The following ARHGAP22 variants were observed in gnomAD, a reference collection of about 807,000 sequenced individuals.
The protein encoded by ARHGAP22 is rho GTPase-activating protein 22.
ARHGAP22 carries 48 observed loss-of-function variants against 59.1 expected under a neutral mutation model. The observed-to-expected ratio is 0.81, with a 90% CI of 0.64 to 1.03. The LOEUF (loss-of-function observed/expected upper bound fraction) is 1.03, where lower values mean the gene tolerates loss of function less well. Ranked by LOEUF, ARHGAP22 falls within the 50% of genes least tolerant of loss-of-function variation. The pLI is 0.00. For missense variants in ARHGAP22, 1,015 were observed against 958.7 expected, an observed-to-expected ratio of 1.06 and a Z score of -0.78; for synonymous variants, 445 against 416.4, an observed-to-expected ratio of 1.07 and a Z score of -0.84.
upstream of ARHGAP22, among the ~76,000 whole-genome samples, chr10:48,609,204 A>G (rs1241108510): frequency 6.6e-6 from 1 of 151,910 alleles, no homozygotes; most frequent in Non-Finnish European, 1.5e-5. Flanking sequence ...GTCACTGTAG[A>G]CTCCCTGTTC....
rs779543837 is a variant in ARHGAP22, at chr10:48,459,901, G to C, written c.452-10C>G. On this transcript the variant is annotated splice_polypyrimidine_tract_variant and intron_variant, in intron 4 of 9. Coordinates refer to ENST00000249601, the MANE Select transcript of ARHGAP22 (RefSeq NM_021226.4). ...CGCTGCCCAAAGATCCCTGAGCACAGAGAGGAGCTAGTCACACCCTCCACC... is the reference window on the plus strand; with the variant it reads ...CGCTGCCCAAAGATCCCTGAGCACACAGAGGAGCTAGTCACACCCTCCACC... 1.2e-6 allele frequency: 2 copies of C among 1,610,296 alleles called. No individual in the cohort carries two copies. The highest frequency in any genetic ancestry group is 8.5e-7 in the Non-Finnish European group (1 of 1,178,996).
chr10:48,609,212 T>G (rs924226317), upstream of ARHGAP22, among the ~76,000 whole-genome samples: 1 of 152,222 alleles, frequency 6.6e-6, no homozygotes, highest in African/African-American at 2.4e-5. Flanking sequence ...AGACTCCCTG[T>G]TCTAGGCAGA....
intron 3 of ARHGAP22, among the ~76,000 whole-genome samples, chr10:48,486,312 T>C (rs1201173493): frequency 6.6e-6 from 1 of 151,740 alleles, no homozygotes; most frequent in African/African-American, 2.4e-5. Context: ...TAATATATTG[T>C]TGCTATTTTT....
In ARHGAP22 at chr10:48,583,284, G is replaced by A. The variant is rs2059228261; in HGVS notation, c.35-132C>T. The A allele has an allele frequency of 1.3e-5, 14 of 1,044,782 alleles. No homozygotes were observed. The South Asian group carries it at 1.9e-4, about 14-fold the overall frequency. The allele number at this position is 1,044,782 out of a possible 1,614,324, so 64.7% of individuals were successfully genotyped here. A position where few individuals can be genotyped will look rare whatever the true frequency, so the allele number is the denominator to read the frequency against. ...AGGCCAGCAGGATGTGAGCAGCTGG[G>A]CCTACTTCCCCTTGGCATTGAAGGG... On this transcript the variant is annotated intron_variant, in intron 1 of 9. Transcript: ENST00000249601.
chr10:48,472,605 T>C (rs894938691), intron 4 of ARHGAP22, among the ~76,000 whole-genome samples: 1 of 152,178 alleles, frequency 6.6e-6, no homozygotes, highest in African/African-American at 2.4e-5. Context: ...AGCCTCTACC[T>C]TCTGGCCACT....
At chr10:48,515,743 G>T (rs1314242689) in intron 3 of ARHGAP22, among the ~76,000 whole-genome samples, 1 of 152,128 alleles carries the variant, frequency 6.6e-6, no homozygotes, top group Non-Finnish European at 1.5e-5. Context: ...TGACTACCAA[G>T]GAATGAAATT....
chr10:48,613,350 A>G (rs892915416), intron 1 of ARHGAP22, among the ~76,000 whole-genome samples: 7 of 152,202 alleles, frequency 4.6e-5, no homozygotes, highest in African/African-American at 1.4e-4. Flanking sequence ...TTAAAAAAAG[A>G]CAAGGGCTTT....
chr10:48,468,433 T>C (rs897208027), intron 4 of ARHGAP22, among the ~76,000 whole-genome samples: 12 of 152,186 alleles, frequency 7.9e-5, no homozygotes, highest in African/African-American at 2.7e-4. Context: ...AGGCAGAGAC[T>C]GCAGTGCTGA....
Position 48,460,847 on chromosome 10 carries a change from G to A in ARHGAP22, c.452-956C>T, listed in dbSNP as rs531080462. 2.0e-5 allele frequency among the ~76,000 whole-genome samples: 3 copies of A among 151,752 alleles called. No individual in the cohort carries two copies. In the South Asian group the frequency reaches 6.2e-4, roughly 31 times the overall value. Reference sequence around the variant, plus strand: ...TTCAGACAAGTGATAAAATATGGGTGAACCTGAGAACATTATGTGAAGTAA... The same window carrying A: ...TTCAGACAAGTGATAAAATATGGGTAAACCTGAGAACATTATGTGAAGTAA... On this transcript the variant is annotated intron_variant, in intron 4 of 9. Transcript: ENST00000249601.
At chr10:48,599,114 C>T (rs1438962054) in intron 1 of ARHGAP22, among the ~76,000 whole-genome samples, 1 of 152,156 alleles carries the variant, frequency 6.6e-6, no homozygotes, top group Non-Finnish European at 1.5e-5. Context: ...TGCAATAGGA[C>T]TTCAAGCAGG....
intron 3 of ARHGAP22, among the ~76,000 whole-genome samples, chr10:48,502,287 G>A (rs145042244): frequency 5.9e-5 from 9 of 152,266 alleles, no homozygotes; most frequent in Admixed American, 3.9e-4. Context: ...TACCTCGTGG[G>A]GGAAGGAGGA....
At chr10:48,653,388 G>A (rs1242210776), upstream of ARHGAP22, among the ~76,000 whole-genome samples, 4 of 152,276 alleles carry the variant, frequency 2.6e-5, no homozygotes, top group Non-Finnish European at 5.9e-5. Flanking sequence ...ACTGCAGGAA[G>A]GTGCACCCTG....
chr10:48,526,252 G>T (rs1248927563), intron 3 of ARHGAP22, among the ~76,000 whole-genome samples: 1 of 152,236 alleles, frequency 6.6e-6, no homozygotes, highest in Non-Finnish European at 1.5e-5. Context: ...ATGACTTAGA[G>T]CAGGGAAGAG....
At chr10:48,573,286 G>A (rs2058510620) in intron 2 of ARHGAP22, among the ~76,000 whole-genome samples, 1 of 152,168 alleles carries the variant, frequency 6.6e-6, no homozygotes, top group African/African-American at 2.4e-5. Context: ...TCTCACCATA[G>A]TCCTATAAGA....
intron 3 of ARHGAP22, among the ~76,000 whole-genome samples, chr10:48,499,831 A>G (rs956603472): frequency 2.6e-5 from 4 of 152,248 alleles, no homozygotes; most frequent in African/African-American, 9.6e-5. Flanking sequence ...AGAAACAGAA[A>G]TGCATTCTAT....
rs1366820900 is a variant in ARHGAP22 at position 48,604,743 on chromosome 10, C to T, written c.34+20G>A. 1 of 1,614,228 alleles carries T rather than the reference C, an allele frequency of 6.2e-7. No individual in the cohort carries two copies. On this transcript the variant is annotated intron_variant, in intron 1 of 9. Transcript: ENST00000249601. ...GAGGCACATGCGGTGCCCAGAGAAA[C>T]CCCAGAAAGTTGGACTTACCCCTCC...
intron 3 of ARHGAP22, among the ~76,000 whole-genome samples, chr10:48,541,839 A>T (rs751226306): frequency 6.6e-6 from 1 of 152,242 alleles, no homozygotes; most frequent in African/African-American, 2.4e-5. Context: ...ATCTGCAAGG[A>T]TGAAGGTGCA....
upstream of ARHGAP22, among the ~76,000 whole-genome samples, chr10:48,654,403 T>A (rs971681938): frequency 6.6e-6 from 1 of 152,242 alleles, no homozygotes; most frequent in Non-Finnish European, 1.5e-5. Context: ...AAACATCTCT[T>A]CTTGCCTCAT....
chr10:48,590,759 C>T (rs2059703253), intron 1 of ARHGAP22, among the ~76,000 whole-genome samples: 1 of 151,188 alleles, frequency 6.6e-6, no homozygotes, highest in East Asian at 2.0e-4. Context: ...TGACTCTGGC[C>T]TGGCCGTCCT....
Sources: gnomAD v4.1 joint callset for allele counts (sites outside exome capture counted in the v4.1 genomes callset) on GRCh38, gnomAD v4.1.1 for gene constraint, MANE v1.5 for transcripts, NCBI Gene and HGNC (gene_info 2026-07-23, HGNC 2026-07-21) for gene names.